The following FLI1 variants were observed in gnomAD, a reference collection of about 807,000 sequenced individuals.
The protein encoded by FLI1 is Friend leukemia integration 1 transcription factor.
Under a neutral mutation model 53.1 loss-of-function variants are expected in FLI1, and 13 were observed. That is an observed-to-expected ratio of 0.24 (90% CI 0.16 to 0.39). The LOEUF is 0.39. Among genes scored for constraint, FLI1 ranks in the 10% least tolerant of loss-of-function variants. FLI1 has a pLI of 1.00. For synonymous variants in FLI1, 244 were observed against 236.7 expected (o/e 1.03, Z -0.28); for missense variants, 424 against 600.5 (o/e 0.71, Z 3.07).
At chr11:128,739,430 C>T (rs1257419376) in intron 1 of FLI1, among the ~76,000 whole-genome samples, 1 of 152,092 alleles carries the variant, frequency 6.6e-6, no homozygotes, top group Admixed American at 6.5e-5. Flanking sequence ...CCCTCAACCC[C>T]CCTGCCCCAC....
At chr11:128,759,602 G>A (rs1449484669) in intron 2 of FLI1, among the ~76,000 whole-genome samples, 2 of 152,194 alleles carry the variant, frequency 1.3e-5, no homozygotes, top group Non-Finnish European at 1.5e-5. Context: ...TGAATGAAGG[G>A]GGTGCATGAC....
At chr11:128,779,047 T>C (rs1429245633) in intron 4 of FLI1, among the ~76,000 whole-genome samples, 2 of 152,196 alleles carry the variant, frequency 1.3e-5, no homozygotes, top group African/African-American at 2.4e-5. Flanking sequence ...GGCAAAATCC[T>C]TTTCCTAGGT....
At chr11:128,807,360 A>G (rs1345893764) in intron 7 of FLI1, 121 bp downstream of exon 7, 3 of 606,032 alleles carry the variant, frequency 5.0e-6, no homozygotes, top group African/African-American at 3.8e-5. Context: ...TCTCTCAAAG[A>G]GGGTCTATCT....
intron 4 of FLI1, among the ~76,000 whole-genome samples, chr11:128,775,947 G>C (rs757557061): frequency 1.3e-5 from 2 of 152,224 alleles, no homozygotes; most frequent in Non-Finnish European, 2.9e-5. Context: ...TTGGAAGTCA[G>C]TAGAGTCCAA....
At position 128,810,797 on chromosome 11, in the gene FLI1, T is replaced by C; in HGVS notation, c.1168T>C (p.Ser390Pro). 6.2e-7 allele frequency: 1 copy of C among 1,614,048 alleles called. No individual in the cohort carries two copies. The change falls in exon 9 of 9, where the codon TCC (serine) becomes CCC (proline). Residue 390 changes from serine to proline, a missense_variant. Physicochemically the swap from Ser to Pro is moderately conservative, Grantham distance 74. Transcript: ENST00000527786. The surrounding 1 kb of genome is among the most constrained non-coding windows in gnomAD (Gnocchi z 6.6). ...KYPSDISYMP[S>P]YHAHQQKVNF... The stretch of plus-strand genomic sequence containing the variant: ...CCCTTCTGACATCTCCTACATGCCT[T>C]CCTACCATGCCCACCAGCAGAAGGT...
intron 1 of FLI1, among the ~76,000 whole-genome samples, chr11:128,695,410 C>T (rs1449050488): frequency 6.6e-6 from 1 of 152,168 alleles, no homozygotes; most frequent in Non-Finnish European, 1.5e-5. Flanking sequence ...TCTGGAAAAA[C>T]TATTAGGCTG....
At chr11:128,705,591 C>T (rs569785251) in intron 1 of FLI1, among the ~76,000 whole-genome samples, 60 of 152,228 alleles carry the variant, frequency 3.9e-4, no homozygotes, top group Non-Finnish European at 5.4e-4. Context: ...GAATGTTTTG[C>T]GAGGTTAAAA....
intron 5 of FLI1, among the ~76,000 whole-genome samples, chr11:128,789,431 G>A (rs200923008): frequency 6.6e-6 from 1 of 152,304 alleles, no homozygotes; most frequent in South Asian, 2.1e-4. Flanking sequence ...GCATGGAGCT[G>A]AAATAAGACT....
chr11:128,729,824 T>G (rs983208033), intron 1 of FLI1, among the ~76,000 whole-genome samples: 2 of 152,208 alleles, frequency 1.3e-5, no homozygotes, highest in East Asian at 3.8e-4. Flanking sequence ...CATTTTGACC[T>G]TGTTCTCCAG....
intron 5 of FLI1, among the ~76,000 whole-genome samples, chr11:128,792,165 A>G (rs1315336842): frequency 2.0e-5 from 3 of 152,198 alleles, no homozygotes; most frequent in Non-Finnish European, 2.9e-5. Context: ...TGAATCACAA[A>G]GCTAGTATGA....
intron 1 of FLI1, among the ~76,000 whole-genome samples, chr11:128,755,103 G>A (rs1022501289): frequency 1.1e-4 from 16 of 152,052 alleles, no homozygotes; most frequent in East Asian, 1.9e-4. Flanking sequence ...TGATTTTGCC[G>A]TCTGCATGTC....
chr11:128,686,535 A>G (rs1010917072), exon 1 of FLI1: 2 of 454,462 alleles, frequency 4.4e-6, no homozygotes, highest in South Asian at 3.1e-5. Context: ...CCAAACCCCT[A>G]CAGTCTCTCC....
At chr11:128,796,746 G>T (rs1942456785) in intron 5 of FLI1, among the ~76,000 whole-genome samples, 1 of 152,184 alleles carries the variant, frequency 6.6e-6, no homozygotes, top group Non-Finnish European at 1.5e-5. Context: ...AGGCTGAGGT[G>T]AGTGGATCAC....
At chr11:128,808,307 GA>G (rs1942839492) in intron 7 of FLI1, among the ~76,000 whole-genome samples, 1 of 152,060 alleles carries the variant, frequency 6.6e-6, no homozygotes, top group South Asian at 2.1e-4. Context: ...AATTATAGTT[GA>G]AAAATAGCAA....
At chr11:128,736,452 G>C (rs544834150) in intron 1 of FLI1, among the ~76,000 whole-genome samples, 2 of 152,288 alleles carry the variant, frequency 1.3e-5, no homozygotes, top group East Asian at 3.9e-4. Context: ...ATTCTAACTG[G>C]TAGCTTGATA....
intron 2 of FLI1, among the ~76,000 whole-genome samples, chr11:128,766,048 GGTAAA>G (rs1214471045): frequency 2.6e-5 from 4 of 152,058 alleles, no homozygotes; most frequent in Admixed American, 6.5e-5. Context: ...CATGCATGTG[GGTAAA>G]GTATTGTGCA....
intron 1 of FLI1, among the ~76,000 whole-genome samples, chr11:128,717,106 C>T (rs941801887): frequency 6.6e-6 from 1 of 152,050 alleles, no homozygotes; most frequent in African/African-American, 2.4e-5. Context: ...CCGGGGCACA[C>T]GCTGCTCTGG....
intron 1 of FLI1, among the ~76,000 whole-genome samples, chr11:128,735,396 A>G (rs529308331): frequency 1.3e-5 from 2 of 152,222 alleles, no homozygotes; most frequent in Non-Finnish European, 1.5e-5. Context: ...AGAAGTAATC[A>G]TGGTTATCGC....
chr11:128,801,611 C>T lies in FLI1; in HGVS notation c.656-3755C>T, dbSNP rs114020109. On this transcript the variant is annotated intron_variant, in intron 5 of 8. Transcript: ENST00000527786. ...CAGGAGTGATGTAGTCTGTACCCCT[C>T]AACACCCCAGATGGAAATCTTTTGC... 5.6e-3 allele frequency among the ~76,000 whole-genome samples: 852 copies of T among 152,296 alleles called. 5 individuals are homozygous for T. Among genetic ancestry groups the T allele is most frequent in the African/African-American group, 0.019 (808 of 41,566 alleles).
Sources: gnomAD v4.1 joint callset for allele counts (sites outside exome capture counted in the v4.1 genomes callset) on GRCh38, gnomAD v4.1.1 for gene constraint, Gnocchi (gnomAD v3.1) non-coding constraint, MANE v1.5 for transcripts, NCBI Gene and HGNC (gene_info 2026-07-23, HGNC 2026-07-21) for gene names.